CCDC112: variants seen among roughly 807,000 people sequenced by gnomAD.
CCDC112 encodes coiled-coil domain-containing protein 112.
CCDC112 carries 40 observed loss-of-function variants against 66.3 expected under a neutral mutation model. That is an observed-to-expected ratio of 0.60 (90% confidence interval 0.47 to 0.79). The LOEUF is 0.79. Among genes scored for constraint, CCDC112 ranks in the 30% least tolerant of loss-of-function variants. The pLI, the probability that CCDC112 is intolerant of heterozygous loss-of-function variation, is 0.00. For synonymous variants in CCDC112, 214 were observed against 197.2 expected, an observed-to-expected ratio of 1.09 and a Z score of -0.71; for missense variants, 659 against 603.8, an observed-to-expected ratio of 1.09 and a Z score of -0.96.
chr5:115,269,072 T>C lies in CCDC112; in HGVS notation c.1429-72A>G, dbSNP rs1748894537. ...TTGTACTAGTAAATAAGTAAAAGCC[T>C]TAGTGCAGTTTTAAAAGACATAGTT... On this transcript the variant is annotated intron_variant, in intron 8 of 9. Transcript: ENST00000379611. 1.5e-5 allele frequency: 12 copies of C among 791,150 alleles called. No homozygotes were observed. The South Asian group carries it at 2.5e-4, about 17-fold the overall frequency. The allele number at this position is 791,150 out of a possible 1,614,324, so 49.0% of individuals were successfully genotyped here.
intron 1 of CCDC112, among the ~76,000 whole-genome samples, chr5:115,287,696 C>CT (rs778702533): frequency 0.78 from 66,578 of 84,830 alleles, 26,806 homozygotes; most frequent in Middle Eastern, 0.85. Context: ...ATCCCCTTTC[C>CT]TTTTTTTTTT....
intron 1 of CCDC112, among the ~76,000 whole-genome samples, chr5:115,289,933 C>T (rs752705424): frequency 4.6e-5 from 7 of 152,110 alleles, no homozygotes; most frequent in East Asian, 1.9e-4. Flanking sequence ...TCTTCCTGCC[C>T]GGGCCTCCCA....
In CCDC112 at chr5:115,289,934, G is replaced by A. The variant is rs1275883783; in HGVS notation, c.118-5026C>T. On this transcript the variant is annotated intron_variant, in intron 1 of 9. Transcript: ENST00000379611. ...CTGGCCTCAAGCGATCTTCCTGCCC[G>A]GGCCTCCCAAAGTGCTGGGATTACA... 3.9e-5 allele frequency among the ~76,000 whole-genome samples: 6 copies of A among 152,106 alleles called. No homozygotes were observed. The East Asian group carries it at 5.8e-4, about 15-fold the overall frequency.
intron 1 of CCDC112, among the ~76,000 whole-genome samples, chr5:115,294,901 G>A (rs1470063520): frequency 1.3e-5 from 2 of 152,092 alleles, no homozygotes; most frequent in East Asian, 1.9e-4. Flanking sequence ...CCAAACACAC[G>A]TGAAGAATTC....
chr5:115,286,634 G>A (rs1278213206), intron 1 of CCDC112, among the ~76,000 whole-genome samples: 1 of 152,074 alleles, frequency 6.6e-6, no homozygotes, highest in African/African-American at 2.4e-5. Context: ...TGGCATAGTG[G>A]GGCCTGGTGG....
intron 2 of CCDC112, among the ~76,000 whole-genome samples, chr5:115,283,582 T>C (rs556813650): frequency 6.6e-6 from 1 of 152,254 alleles, no homozygotes; most frequent in South Asian, 2.1e-4. Context: ...ACTGTAGACA[T>C]TAAATATATA....
In CCDC112 at chr5:115,284,852, C is replaced by G. The variant is rs1243271646; in HGVS notation, c.174G>C (p.Trp58Cys). The G allele has an allele frequency of 4.3e-6, 7 of 1,612,524 alleles. No individual in the cohort carries two copies. The highest frequency in any genetic ancestry group is 5.9e-6 in the Non-Finnish European group (7 of 1,178,928). Residue 58 changes from tryptophan to cysteine, a missense_variant, in exon 2 of 10, where the codon TGG becomes TGC. Coordinates refer to ENST00000379611, the MANE Select transcript of CCDC112 (RefSeq NM_001040440.3). ...GGIRPFHLQN[W>C]KQKVNQTKKA... Reference sequence around the variant, plus strand: ...TCTTAGTCTGATTAACTTTCTGCTTCCAGTTCTGAAGATGAAAAGGACGAA... The same window carrying G: ...TCTTAGTCTGATTAACTTTCTGCTTGCAGTTCTGAAGATGAAAAGGACGAA...
At chr5:115,285,070 T>A (rs1304684224) in intron 1 of CCDC112, among the ~76,000 whole-genome samples, 162 bp from the exon 2 acceptor site, 3 of 152,210 alleles carry the variant, frequency 2.0e-5, no homozygotes. Context: ...AGAAGGAGTA[T>A]CTATCAAATG....
chr5:115,287,416 T>C (rs1206885260), intron 1 of CCDC112, among the ~76,000 whole-genome samples: 1 of 152,214 alleles, frequency 6.6e-6, no homozygotes, highest in Non-Finnish European at 1.5e-5. Flanking sequence ...ACTCAACTTT[T>C]ATGGGAGGCT....
At chr5:115,279,115 T>TAA (rs1336538088) in intron 3 of CCDC112, among the ~76,000 whole-genome samples, 1 of 152,170 alleles carries the variant, frequency 6.6e-6, no homozygotes, top group Non-Finnish European at 1.5e-5. Context: ...TTTTATATAT[T>TAA]ATCTCATCAG....
chr5:115,295,167 T>G (rs943453914), intron 1 of CCDC112, among the ~76,000 whole-genome samples: 2 of 152,238 alleles, frequency 1.3e-5, no homozygotes, highest in South Asian at 2.1e-4. Context: ...TGATAAAATA[T>G]CTGAAAGAGC....
At chr5:115,286,351 C>G (rs1040798240) in intron 1 of CCDC112, among the ~76,000 whole-genome samples, 5 of 152,158 alleles carry the variant, frequency 3.3e-5, no homozygotes, top group African/African-American at 1.2e-4. Context: ...CAAGATTCAT[C>G]CGTGTTGTAC....
chr5:115,281,513 G>A (rs1158308163), intron 2 of CCDC112, among the ~76,000 whole-genome samples: 2 of 152,144 alleles, frequency 1.3e-5, no homozygotes, highest in Admixed American at 6.5e-5. Context: ...GTCCCACCTG[G>A]CAACTCTAAT....
At chr5:115,295,784 T>C (rs976649410) in intron 1 of CCDC112, 2 of 437,710 alleles carry the variant, frequency 4.6e-6, no homozygotes, top group Non-Finnish European at 6.1e-6. Flanking sequence ...TAATATAATA[T>C]ATGGTACTAA....
At chr5:115,280,717 A>G (rs1012276084) in intron 2 of CCDC112, among the ~76,000 whole-genome samples, 1 of 151,658 alleles carries the variant, frequency 6.6e-6, no homozygotes, top group African/African-American at 2.4e-5. Flanking sequence ...CACCATGCCC[A>G]GCTAATTTTT....
At chr5:115,272,000 C>T (rs1749023775) in intron 6 of CCDC112, among the ~76,000 whole-genome samples, 1 of 150,746 alleles carries the variant, frequency 6.6e-6, no homozygotes, top group Non-Finnish European at 1.5e-5. Context: ...TCTCAGCTCA[C>T]TGCAACCTCT....
Position 115,275,279 on chromosome 5 carries a change from A to C in CCDC112, c.855T>G (p.Asp285Glu). The C allele has an allele frequency of 1.2e-6, 2 of 1,613,790 alleles. No homozygotes were observed. The highest frequency in any genetic ancestry group is 1.7e-6 in the Non-Finnish European group (2 of 1,179,898). ...ACCATTTTTCATGCTGTTGAACTTC[A>C]TCTTGTGTTTTTCCAGGAAGGTGTT... ...VLEHLPGKTQ[D>E]EVQQHEKWYQ... Residue 285 changes from aspartate to glutamate, a missense_variant, in exon 6 of 10, where the codon GAT becomes GAG. By Grantham distance (45) the Asp-to-Glu change is conservative (BLOSUM62 2). Transcript: ENST00000379611.
chr5:115,271,165 C>A lies in CCDC112; in HGVS notation c.1332+48G>T, dbSNP rs114120690. ...TGCTTAACTGAATTTGGAAGTAATA[C>A]CTCCATGTGTAGCATTTAAAAATTA... On this transcript the variant is annotated intron_variant, in intron 7 of 9. Transcript: ENST00000379611. 2,215 of 1,504,064 alleles carry A rather than the reference C, an allele frequency of 1.5e-3. 27 individuals carry two copies. In the African/African-American group the frequency reaches 0.025, roughly 17 times the overall value. The allele number at this position is 1,504,064 out of a possible 1,614,324, so 93.2% of individuals were successfully genotyped here.
In CCDC112 at chr5:115,267,548, T is replaced by A. The variant is rs891004563; in HGVS notation, c.*328A>T. 2.0e-5 allele frequency: 4 copies of A among 197,666 alleles called. No homozygotes were observed. Among genetic ancestry groups the A allele is most frequent in the Non-Finnish European group, 3.0e-5 (3 of 98,836 alleles). The allele number at this position is 197,666 out of a possible 1,614,324, so 12.2% of individuals were successfully genotyped here. On this transcript the variant is annotated 3_prime_UTR_variant, in exon 10 of 10. Transcript: ENST00000379611. Reference sequence around the variant, plus strand: ...GGTTTAAAAAATGTCATTGTATGATTGTTCCAATTTACTTTGCTATGCTAT... The same window carrying A: ...GGTTTAAAAAATGTCATTGTATGATAGTTCCAATTTACTTTGCTATGCTAT...
Sources: gnomAD v4.1 joint callset for allele counts (sites outside exome capture counted in the v4.1 genomes callset) on GRCh38, gnomAD v4.1.1 for gene constraint, MANE v1.5 for transcripts, NCBI Gene and HGNC (gene_info 2026-07-23, HGNC 2026-07-21) for gene names.